SLC44A5: variants seen among roughly 807,000 people sequenced by gnomAD.
The protein encoded by SLC44A5 is solute carrier family 44 member 5, also known as choline transporter-like protein 5.
Under a neutral mutation model 101.8 loss-of-function variants are expected in SLC44A5, and 57 were observed. The ratio of observed to expected loss-of-function variants is 0.56; its 90% CI spans 0.45 to 0.70. The LOEUF (loss-of-function observed/expected upper bound fraction) is 0.70, where lower values mean the gene tolerates loss of function less well. SLC44A5 is among the 30% of genes least tolerant of loss of function. The pLI, the probability that SLC44A5 is intolerant of heterozygous loss-of-function variation, is 0.00. For missense variants in SLC44A5, 737 were observed against 853.1 expected, an observed-to-expected ratio of 0.86 and a Z score of 1.70; for synonymous variants, 281 against 290.9, an observed-to-expected ratio of 0.97 and a Z score of 0.35.
intron 1 of SLC44A5, among the ~76,000 whole-genome samples, chr1:75,585,159 A>C (rs4949865): frequency 0.3 from 45,394 of 152,080 alleles, 7,814 homozygotes; most frequent in East Asian, 0.77. Context: ...CAATGATTTA[A>C]GAAAATTTGA....
the SLC44A5 span, among the ~76,000 whole-genome samples, chr1:75,666,508 G>T: frequency 1.3e-5 from 2 of 152,208 alleles, no homozygotes; most frequent in South Asian, 2.1e-4. Flanking sequence ...TCTACCAGAG[G>T]TACAAAGAGG....
intron 4 of SLC44A5, among the ~76,000 whole-genome samples, chr1:75,313,691 A>G (rs1217171589): frequency 1.3e-5 from 2 of 151,994 alleles, no homozygotes; most frequent in African/African-American, 2.4e-5. Context: ...GGGAAAGAGG[A>G]TAAAAGTGAC....
At chr1:75,630,650 G>A in the SLC44A5 span, among the ~76,000 whole-genome samples, 1 of 152,058 alleles carries the variant, frequency 6.6e-6, no homozygotes, top group South Asian at 2.1e-4. Context: ...CAAATTCAAG[G>A]ACAGGTGAAA....
chr1:75,652,021 C>T, the SLC44A5 span, among the ~76,000 whole-genome samples: 1 of 152,098 alleles, frequency 6.6e-6, no homozygotes, highest in Non-Finnish European at 1.5e-5. Context: ...GGCAAGGGGG[C>T]TCAAGCATGC....
intron 3 of SLC44A5, among the ~76,000 whole-genome samples, chr1:75,385,967 A>T (rs1392436384): frequency 1.3e-5 from 2 of 152,202 alleles, no homozygotes; most frequent in Non-Finnish European, 1.5e-5. Context: ...CCACATGATT[A>T]TCTCAATAGA....
intron 1 of SLC44A5, among the ~76,000 whole-genome samples, chr1:75,576,386 C>G (rs1357744947): frequency 2.0e-5 from 3 of 151,810 alleles, no homozygotes; most frequent in African/African-American, 7.3e-5. Flanking sequence ...GCGATCTCCA[C>G]TCACTGCAAG....
At chr1:75,491,943 C>A (rs780798479) in intron 2 of SLC44A5, among the ~76,000 whole-genome samples, 1 of 152,060 alleles carries the variant, frequency 6.6e-6, no homozygotes, top group Non-Finnish European at 1.5e-5. Context: ...TTTATTCTAC[C>A]TTTTGTTCTA....
chr1:75,240,289 A>T (rs200937546), intron 9 of SLC44A5, among the ~76,000 whole-genome samples: 5 of 152,004 alleles, frequency 3.3e-5, no homozygotes, highest in East Asian at 3.9e-4. Context: ...TCCTTTTATG[A>T]GCTCTTTAAT....
chr1:75,302,694 C>T (rs1038496034), intron 4 of SLC44A5, among the ~76,000 whole-genome samples: 11 of 151,834 alleles, frequency 7.2e-5, no homozygotes, highest in African/African-American at 1.4e-4. Context: ...AACAATATGC[C>T]GCATCACTAC....
intron 2 of SLC44A5, among the ~76,000 whole-genome samples, chr1:75,420,790 T>C (rs1372178568): frequency 6.6e-6 from 1 of 152,078 alleles, no homozygotes; most frequent in African/African-American, 2.4e-5. Flanking sequence ...ATAAAAAAAA[T>C]TTTCATATCA....
intron 2 of SLC44A5, among the ~76,000 whole-genome samples, chr1:75,472,761 G>C (rs142577213): frequency 1.3e-5 from 2 of 152,246 alleles, no homozygotes; most frequent in African/African-American, 4.8e-5. Context: ...ATGAGGACTA[G>C]GATTTGTGTT....
At chr1:75,391,803 A>C (rs1257290968) in intron 3 of SLC44A5, among the ~76,000 whole-genome samples, 1 of 152,222 alleles carries the variant, frequency 6.6e-6, no homozygotes, top group Non-Finnish European at 1.5e-5. Flanking sequence ...CCTTCTAGAC[A>C]TTGGTCTTGG....
intron 6 of SLC44A5, among the ~76,000 whole-genome samples, chr1:75,258,863 G>A (rs1282572311): frequency 1.3e-5 from 2 of 151,894 alleles, no homozygotes; most frequent in African/African-American, 4.8e-5. Flanking sequence ...CTGCGATTCT[G>A]CCAGTGACAC....
chr1:75,660,058 G>T, the SLC44A5 span, among the ~76,000 whole-genome samples: 2 of 152,012 alleles, frequency 1.3e-5, no homozygotes, highest in African/African-American at 4.8e-5. Context: ...ACAAAAATTA[G>T]CCTGGTGTGG....
intron 2 of SLC44A5, among the ~76,000 whole-genome samples, chr1:75,463,575 A>T (rs1244245336): frequency 6.6e-6 from 1 of 152,128 alleles, no homozygotes; most frequent in East Asian, 1.9e-4. Context: ...AATAAAGGAA[A>T]AAATTTTTAC....
At chr1:75,679,390 C>T in the SLC44A5 span, among the ~76,000 whole-genome samples, 1 of 152,118 alleles carries the variant, frequency 6.6e-6, no homozygotes, top group African/African-American at 2.4e-5. Flanking sequence ...CAAAGGGAAG[C>T]CCATCAGACT....
intron 1 of SLC44A5, among the ~76,000 whole-genome samples, chr1:75,559,645 G>A (rs1672410875): frequency 6.6e-6 from 1 of 152,098 alleles, no homozygotes; most frequent in African/African-American, 2.4e-5. Flanking sequence ...TTTATCACAT[G>A]ACATCAAAAG....
intron 2 of SLC44A5, among the ~76,000 whole-genome samples, chr1:75,420,260 T>C (rs1249249822): frequency 6.6e-6 from 1 of 152,128 alleles, no homozygotes; most frequent in Non-Finnish European, 1.5e-5. Flanking sequence ...CAGTCTATGG[T>C]AGTTTGTTAA....
At chr1:75,321,923 T>A (rs930465471) in intron 4 of SLC44A5, among the ~76,000 whole-genome samples, 1 of 152,216 alleles carries the variant, frequency 6.6e-6, no homozygotes, top group African/African-American at 2.4e-5. Flanking sequence ...TTGAATCCAT[T>A]GATGAACTTC....
Sources: allele counts gnomAD v4.1 joint callset (sites outside exome capture counted in the v4.1 genomes callset), GRCh38; gene constraint gnomAD v4.1.1; transcripts MANE v1.5; gene names NCBI Gene and HGNC (gene_info 2026-07-23, HGNC 2026-07-21).